The following TMEFF1 variants were observed in gnomAD, a reference collection of about 807,000 sequenced individuals.
TMEFF1 encodes the protein tomoregulin-1.
Under a neutral mutation model 47.5 loss-of-function variants are expected in TMEFF1, and 20 were observed. The ratio of observed to expected loss-of-function variants is 0.42; its 90% CI spans 0.30 to 0.61. The LOEUF (loss-of-function observed/expected upper bound fraction) is 0.61. Ranked by LOEUF, TMEFF1 falls within the 20% of genes least tolerant of loss-of-function variation. TMEFF1 has a pLI of 0.19. For missense variants in TMEFF1, 411 were observed against 471.1 expected (o/e 0.87, Z 1.18); for synonymous variants, 162 against 166.3 (o/e 0.97, Z 0.20).
rs3055671 is a variant in TMEFF1 at position 100,475,715 on chromosome 9, C to CTGTGTGTGTGTG, written c.196+2005_196+2016dup. On this transcript the variant is annotated intron_variant, in intron 1 of 9. Coordinates refer to ENST00000374879, the MANE Select transcript of TMEFF1 (RefSeq NM_003692.5). ...GATGTGGGTTGGTGATGCAGAGCGA[C>CTGTGTGTGTGTG]TGTGTGTGTGTGTGTGTGTGTGTGT... is the stretch of plus-strand genomic sequence containing the variant. Among the ~76,000 whole-genome samples the CTGTGTGTGTGTG allele has an allele frequency of 8.8e-4, 124 of 140,932 alleles. 2 individuals carry two copies. Among genetic ancestry groups the CTGTGTGTGTGTG allele is most frequent in the Non-Finnish European group, 1.2e-3 (77 of 64,472 alleles). 92.5% of individuals were successfully genotyped at this position (140,932 alleles called of 152,430 possible).
intron 7 of TMEFF1, among the ~76,000 whole-genome samples, chr9:100,552,142 G>A (rs1245927389): frequency 1.3e-5 from 2 of 152,216 alleles, no homozygotes; most frequent in Non-Finnish European, 2.9e-5. Flanking sequence ...ATTGTGTAGA[G>A]TGTTGAATGC....
chr9:100,551,296 A>G (rs2118519712), intron 7 of TMEFF1, among the ~76,000 whole-genome samples: 1 of 152,366 alleles, frequency 6.6e-6, no homozygotes, highest in East Asian at 1.9e-4. Flanking sequence ...TAAGTGTTCA[A>G]CAAATGGTAG....
chr9:100,536,139 A>G (rs1838501735), intron 5 of TMEFF1, among the ~76,000 whole-genome samples: 2 of 152,232 alleles, frequency 1.3e-5, no homozygotes, highest in Admixed American at 1.3e-4. Flanking sequence ...GGCTATGTTT[A>G]TTAGTGCTAG....
At chr9:100,555,741 T>A (rs1278269696) in intron 7 of TMEFF1, among the ~76,000 whole-genome samples, 2 of 152,216 alleles carry the variant, frequency 1.3e-5, no homozygotes, top group Non-Finnish European at 2.9e-5. Context: ...TCACCATTGG[T>A]GAGATAGTTA....
chr9:100,478,581 A>T (rs1837277934), intron 1 of TMEFF1, among the ~76,000 whole-genome samples: 2 of 152,166 alleles, frequency 1.3e-5, no homozygotes, highest in African/African-American at 2.4e-5. Context: ...CTTATTCTGG[A>T]CTTTAGACTT....
chr9:100,527,371 C>T (rs1329311971), intron 5 of TMEFF1, among the ~76,000 whole-genome samples: 1 of 152,178 alleles, frequency 6.6e-6, no homozygotes, highest in African/African-American at 2.4e-5. Context: ...GGGCACAGGT[C>T]AGTGGGTGCG....
At chr9:100,479,809 T>C (rs1462283579) in intron 1 of TMEFF1, among the ~76,000 whole-genome samples, 2 of 152,258 alleles carry the variant, frequency 1.3e-5, no homozygotes, top group Non-Finnish European at 2.9e-5. Flanking sequence ...TTGGCTGTTA[T>C]GAATAATGCT....
chr9:100,501,093 C>T (rs756168576), intron 2 of TMEFF1, among the ~76,000 whole-genome samples: 5 of 152,098 alleles, frequency 3.3e-5, no homozygotes, highest in Non-Finnish European at 7.4e-5. Flanking sequence ...GTCCTCAAGT[C>T]TGTTATCTGG....
chr9:100,533,549 A>G (rs1019279158), intron 5 of TMEFF1, among the ~76,000 whole-genome samples: 1 of 152,126 alleles, frequency 6.6e-6, no homozygotes, highest in Non-Finnish European at 1.5e-5. Flanking sequence ...TGCGTTATCA[A>G]TTTGAAAGTC....
At chr9:100,517,465 C>T (rs572781747) in intron 5 of TMEFF1, among the ~76,000 whole-genome samples, 12 of 152,166 alleles carry the variant, frequency 7.9e-5, no homozygotes, top group African/African-American at 1.4e-4. Flanking sequence ...TTATTCAGCC[C>T]GTAACTGCAT....
At chr9:100,503,577 C>T (rs1218440161) in intron 2 of TMEFF1, among the ~76,000 whole-genome samples, 3 of 141,344 alleles carry the variant, frequency 2.1e-5, no homozygotes, top group African/African-American at 5.2e-5. Flanking sequence ...CACACACACA[C>T]GAATGTGAGA....
chr9:100,478,895 A>G (rs1046908683), intron 1 of TMEFF1, among the ~76,000 whole-genome samples: 1 of 152,238 alleles, frequency 6.6e-6, no homozygotes, highest in Admixed American at 6.5e-5. Flanking sequence ...TTAAAGAGGT[A>G]GAAGAACATA....
intron 1 of TMEFF1, among the ~76,000 whole-genome samples, chr9:100,486,909 A>G (rs1282342266): frequency 1.3e-5 from 2 of 152,204 alleles, no homozygotes; most frequent in Non-Finnish European, 2.9e-5. Context: ...AAGTACAAGC[A>G]TGAACCACTG....
intron 5 of TMEFF1, chr9:100,518,272 C>G (rs1838106714): frequency 9.5e-6 from 2 of 211,618 alleles, no homozygotes; most frequent in Non-Finnish European, 1.6e-5. Flanking sequence ...TTCTAGACAT[C>G]TACATGATAA....
Position 100,572,702 on chromosome 9 carries a change from A to G in TMEFF1, c.1058+26A>G, listed in dbSNP as rs1028647408. 10 of 1,579,886 alleles carry G rather than the reference A, an allele frequency of 6.3e-6. No individual in the cohort carries two copies. The African/African-American group carries it at 9.5e-5, about 15-fold the overall frequency. ...GTAGGTAATGATGTAAGAAATATCA[A>G]CTTTAAATTAGAGGCAGGCAACTGT... On this transcript the variant is annotated intron_variant, in intron 9 of 9. Transcript: ENST00000374879.
chr9:100,541,600 C>T (rs926942601), intron 5 of TMEFF1, among the ~76,000 whole-genome samples: 3 of 151,912 alleles, frequency 2.0e-5, no homozygotes, highest in African/African-American at 7.3e-5. Flanking sequence ...TCTCAAACTC[C>T]TCACCTCGTG....
rs544155271 is a variant in TMEFF1 at position 100,552,905 on chromosome 9, A to G, written c.775+2745A>G. 5.3e-5 allele frequency among the ~76,000 whole-genome samples: 8 copies of G among 152,266 alleles called. No individual in the cohort carries two copies. The East Asian group carries it at 5.8e-4, about 11-fold the overall frequency. ...ATTCTAGCCCTATTTCAGATGTTCAATAGCCAGATATGACCAGTGACTACC... is the reference window on the plus strand; with the variant it reads ...ATTCTAGCCCTATTTCAGATGTTCAGTAGCCAGATATGACCAGTGACTACC... On this transcript the variant is annotated intron_variant, in intron 7 of 9. Transcript: ENST00000374879.
At chr9:100,498,682 C>CAT in intron 1 of TMEFF1, 83 bp from the exon 2 acceptor site, 1 of 1,235,802 alleles carries the variant, frequency 8.1e-7, no homozygotes, top group Non-Finnish European at 1.1e-6. Context: ...AGGACTTTTT[C>CAT]ATACACACAC....
intron 7 of TMEFF1, among the ~76,000 whole-genome samples, chr9:100,555,890 G>C (rs1838906329): frequency 1.3e-5 from 2 of 152,162 alleles, no homozygotes; most frequent in Non-Finnish European, 2.9e-5. Flanking sequence ...TAACAACCAA[G>C]TTTACCCTCA....
Sources: gnomAD v4.1 joint callset for allele counts (sites outside exome capture counted in the v4.1 genomes callset) on GRCh38, gnomAD v4.1.1 for gene constraint, MANE v1.5 for transcripts, NCBI Gene and HGNC (gene_info 2026-07-23, HGNC 2026-07-21) for gene names.